Variants in EGFLAM observed in about 807,000 individuals in gnomAD.
The protein encoded by EGFLAM is EGF like, fibronectin type III and laminin G domains, also known as pikachurin.
Under a neutral mutation model 113.1 loss-of-function variants are expected in EGFLAM, and 79 were observed. That is an observed-to-expected ratio of 0.70 (90% CI 0.58 to 0.84). The LOEUF (loss-of-function observed/expected upper bound fraction) is 0.84. Among genes scored for constraint, EGFLAM ranks in the 40% least tolerant of loss-of-function variants. The probability of loss-of-function intolerance (pLI) is 0.00; values close to 1 mark genes in which losing one functional copy is unlikely to be tolerated. For missense variants in EGFLAM, 1,265 were observed against 1,291.6 expected (o/e 0.98, Z 0.32); for synonymous variants, 504 against 487.6 (o/e 1.03, Z -0.44).
chr5:38,294,579 A>G (rs1241124874), intron 1 of EGFLAM, among the ~76,000 whole-genome samples: 5 of 152,128 alleles, frequency 3.3e-5, no homozygotes, highest in Non-Finnish European at 5.9e-5. Context: ...AGAAGGTCCA[A>G]TACCCCTCTC....
At chr5:38,373,130 G>T (rs1356927149) in intron 6 of EGFLAM, among the ~76,000 whole-genome samples, 1 of 152,110 alleles carries the variant, frequency 6.6e-6, no homozygotes, top group Non-Finnish European at 1.5e-5. Flanking sequence ...TATGAGCCAG[G>T]CAATGTGCTG....
chr5:38,458,286 GTCT>G (rs749579953), intron 19 of EGFLAM, 22 bp from the exon 20 acceptor site: 8 of 1,609,102 alleles, frequency 5.0e-6, no homozygotes, highest in Middle Eastern at 1.7e-4. Flanking sequence ...TCTGTTCTCT[GTCT>G]TCTTCTTCTC....
intron 16 of EGFLAM, among the ~76,000 whole-genome samples, chr5:38,435,590 G>A (rs184621480): frequency 9.9e-5 from 15 of 152,060 alleles, no homozygotes; most frequent in African/African-American, 1.9e-4. Flanking sequence ...GGAGGTGGAC[G>A]GAGGTGAATA....
intron 20 of EGFLAM, among the ~76,000 whole-genome samples, chr5:38,460,428 C>A (rs1353666959): frequency 2.6e-5 from 4 of 152,220 alleles, no homozygotes; most frequent in Non-Finnish European, 4.4e-5. Context: ...CAGCTCAAAG[C>A]CCTTTCCATC....
In EGFLAM at chr5:38,352,320, G is replaced by T. The variant is rs2111987624; in HGVS notation, c.534G>T (p.Val178=). The T allele has an allele frequency of 6.2e-7, 1 of 1,613,960 alleles. No homozygotes were observed. Among genetic ancestry groups the T allele is most frequent in the Non-Finnish European group, 8.5e-7 (1 of 1,179,940 alleles). Residue 178 remains valine (V), a synonymous_variant, in exon 5 of 22, where the codon GTG becomes GTT. Transcript: ENST00000322350. ...GCGCCCCTATTCAGTACTATTCTGT[G>T]GAATTCATCAGGTAAGTCTGTATGT... is the stretch of plus-strand genomic sequence containing the variant. ...EGSAPIQYYS[V]EFIRPDFDKK...
chr5:38,462,059 T>G (rs1027139800), intron 20 of EGFLAM, among the ~76,000 whole-genome samples: 10 of 152,028 alleles, frequency 6.6e-5, no homozygotes, highest in Non-Finnish European at 1.5e-4. Flanking sequence ...TCCCAGCTAC[T>G]CGGGAGGCTG....
chr5:38,354,032 A>T (rs1739698987), intron 5 of EGFLAM, among the ~76,000 whole-genome samples: 1 of 152,222 alleles, frequency 6.6e-6, no homozygotes, highest in African/African-American at 2.4e-5. Context: ...TCTGGAATTA[A>T]CAACTGGTTG....
At chr5:38,360,670 A>G (rs1361956207) in intron 5 of EGFLAM, among the ~76,000 whole-genome samples, 1 of 152,150 alleles carries the variant, frequency 6.6e-6, no homozygotes, top group African/African-American at 2.4e-5. Flanking sequence ...ATGAAATTAC[A>G]TGAGTTGACA....
intron 1 of EGFLAM, among the ~76,000 whole-genome samples, chr5:38,337,101 CT>C (rs1253280471): frequency 6.6e-6 from 1 of 152,098 alleles, no homozygotes; most frequent in African/African-American, 2.4e-5. Context: ...AATATCCTAG[CT>C]ATATAAGCAA....
chr5:38,304,865 C>G (rs897697598), intron 1 of EGFLAM, among the ~76,000 whole-genome samples: 1 of 152,054 alleles, frequency 6.6e-6, no homozygotes, highest in Non-Finnish European at 1.5e-5. Flanking sequence ...AGATAAAATA[C>G]TACAACTGTA....
At chr5:38,452,366 G>A (rs116635139) in intron 19 of EGFLAM, among the ~76,000 whole-genome samples, 1,703 of 152,272 alleles carry the variant, frequency 0.011, 35 homozygotes, top group African/African-American at 0.038. Flanking sequence ...CTGTGGCCAT[G>A]TTCATGCTAC....
At chr5:38,448,181 G>T in intron 17 of EGFLAM, 120 bp from the exon 18 acceptor site, 1 of 1,080,096 alleles carries the variant, frequency 9.3e-7, no homozygotes. Context: ...CGAAGGGAAG[G>T]GGCTGATGAA....
intron 1 of EGFLAM, among the ~76,000 whole-genome samples, chr5:38,333,904 T>C (rs1404567521): frequency 6.6e-6 from 1 of 150,816 alleles, no homozygotes; most frequent in Non-Finnish European, 1.5e-5. Flanking sequence ...CTGTTTATTT[T>C]TATTGTTGAG....
chr5:38,346,145 C>G (rs1331942063), intron 3 of EGFLAM, among the ~76,000 whole-genome samples: 2 of 152,124 alleles, frequency 1.3e-5, no homozygotes, highest in Admixed American at 6.6e-5. Context: ...CACTAATCTT[C>G]CATATCCAGT....
At chr5:38,344,182 A>G (rs1331795602) in intron 3 of EGFLAM, among the ~76,000 whole-genome samples, 2 of 152,250 alleles carry the variant, frequency 1.3e-5, no homozygotes, top group Non-Finnish European at 2.9e-5. Context: ...CAGAGTGAAA[A>G]GTATGCAGTA....
At chr5:38,331,882 G>GTA (rs1739051800) in intron 1 of EGFLAM, among the ~76,000 whole-genome samples, 2 of 152,200 alleles carry the variant, frequency 1.3e-5, no homozygotes. Flanking sequence ...TAAAGCTGCT[G>GTA]TATATATCCA....
chr5:38,356,066 G>A (rs937136405), intron 5 of EGFLAM, among the ~76,000 whole-genome samples: 5 of 152,126 alleles, frequency 3.3e-5, no homozygotes, highest in Non-Finnish European at 7.4e-5. Flanking sequence ...GGCTTCTTAT[G>A]TATATTTTAA....
Position 38,315,343 on chromosome 5 carries a change from T to C in EGFLAM, c.98-22177T>C, listed in dbSNP as rs59708872. Among the ~76,000 whole-genome samples, 666 of 152,328 alleles carry C rather than the reference T, an allele frequency of 4.4e-3. 4 individuals are homozygous for C. The highest frequency in any genetic ancestry group is 0.015 in the African/African-American group (621 of 41,576). ...AGACAATTCATCACGCTTTATTGTG[T>C]CAGTCATGCATATGTTTTCTCCTTA... On this transcript the variant is annotated intron_variant, in intron 1 of 21. Coordinates refer to ENST00000322350, the MANE Select transcript of EGFLAM (RefSeq NM_152403.4).
At chr5:38,433,336 C>G (rs929917013) in intron 15 of EGFLAM, among the ~76,000 whole-genome samples, 2 of 152,170 alleles carry the variant, frequency 1.3e-5, no homozygotes, top group African/African-American at 4.8e-5. Flanking sequence ...ATGCAAGACA[C>G]GTGGAAGAGC....
Sources: allele counts gnomAD v4.1 joint callset (sites outside exome capture counted in the v4.1 genomes callset), GRCh38; gene constraint gnomAD v4.1.1; transcripts MANE v1.5; gene names NCBI Gene and HGNC (gene_info 2026-07-23, HGNC 2026-07-21).